The following ITPRID2 variants were observed in gnomAD, a reference collection of about 807,000 sequenced individuals.
ITPRID2 encodes protein ITPRID2.
Under a neutral mutation model 124.3 loss-of-function variants are expected in ITPRID2, and 60 were observed. That is an observed-to-expected ratio of 0.48 (90% confidence interval 0.39 to 0.60). ITPRID2 has a LOEUF of 0.60. Ranked by LOEUF, ITPRID2 falls within the 20% of genes least tolerant of loss-of-function variation. The pLI, the probability that ITPRID2 is intolerant of heterozygous loss-of-function variation, is 0.00. For missense variants in ITPRID2, 1,553 were observed against 1,512.2 expected, an observed-to-expected ratio of 1.03 and a Z score of -0.45; for synonymous variants, 521 against 542.9, an observed-to-expected ratio of 0.96 and a Z score of 0.56.
rs201543593 is a variant in ITPRID2 at position 181,916,033 on chromosome 2, C to T, written c.2393C>T (p.Ser798Leu). ...MEHDGQSLVKSTIFISPSSVK... is the reference protein window; with the variant it reads ...MEHDGQSLVKLTIFISPSSVK... ...CATGATGGTCAGTCTTTAGTTAAAT[C>T]GACCATTTTCATCTCTCCATCATCT... Residue 798 changes from serine (S) to leucine (L), a missense_variant, in exon 11 of 18, where the codon TCG (serine) becomes TTG (leucine). Transcript: ENST00000431877. The T allele has an allele frequency of 1.9e-4, 304 of 1,614,022 alleles. 1 individual carries two copies. The highest frequency in any genetic ancestry group is 2.0e-4 in the African/African-American group (15 of 74,930).
rs780007185 is a variant in ITPRID2 at position 181,916,168 on chromosome 2, C to T, written c.2528C>T (p.Thr843Ile). 1.6e-5 allele frequency: 26 copies of T among 1,614,208 alleles called. No individual in the cohort carries two copies. Among genetic ancestry groups the T allele is most frequent in the Non-Finnish European group, 2.1e-5 (25 of 1,180,034 alleles). Reference sequence around the variant, plus strand: ...GCTCCACCACCAATGTCTCAGTCTACCTGTTCCCTTCATTCCATCCACTCT... The same window carrying T: ...GCTCCACCACCAATGTCTCAGTCTATCTGTTCCCTTCATTCCATCCACTCT... Reference protein sequence around the residue: ...RLAPPPMSQSTCSLHSIHSEW... With the variant: ...RLAPPPMSQSICSLHSIHSEW... Residue 843 changes from threonine (T) to isoleucine (I), a missense_variant, in exon 11 of 18, where the codon ACC becomes ATC. Thr to Ile is a moderately conservative substitution (Grantham distance 89). Transcript: ENST00000431877.
rs746415125 is a variant in ITPRID2 at position 181,902,350 on chromosome 2, A to G, written c.1297A>G (p.Ser433Gly). 1.1e-5 allele frequency: 17 copies of G among 1,613,908 alleles called. No individual in the cohort carries two copies. The highest frequency in any genetic ancestry group is 1.4e-5 in the Non-Finnish European group (16 of 1,179,916). The change falls in exon 8 of 18, where the codon AGT becomes GGT. Residue 433 changes from serine (S) to glycine (G), a missense_variant. By Grantham distance (56) the Ser-to-Gly change is moderately conservative. Transcript: ENST00000431877. This position sits in a 1 kb window ranked among gnomAD's most constrained non-coding sequence, Gnocchi z 4.4. ...ISSHSELENS[S>G]ELKSVHISTP... is the part of the protein sequence containing the mutation. ...CAGCCACAGTGAGCTGGAAAATAGC[A>G]GTGAGCTGAAAAGTGTCCATATATC...
At position 181,915,574 on chromosome 2, in the gene ITPRID2, A is replaced by T; in HGVS notation, c.1934A>T (p.Asp645Val). The T allele has an allele frequency of 6.2e-7, 1 of 1,614,230 alleles. No homozygotes were observed. The highest frequency in any genetic ancestry group is 8.5e-7 in the Non-Finnish European group (1 of 1,180,038). ...ELLREASAES[D>V]VGKSSESEFT... The stretch of plus-strand genomic sequence containing the variant: ...CTGAGGGAAGCAAGTGCTGAAAGTG[A>T]TGTGGGTAAAAGCAGTGAAAGTGAA... The change falls in exon 11 of 18, where the codon GAT becomes GTT. Residue 645 changes from aspartate (D) to valine (V), a missense_variant. Transcript: ENST00000431877.
chr2:181,917,604 A>C (rs1225994850), intron 11 of ITPRID2: 1 of 152,182 alleles, frequency 6.6e-6, no homozygotes, highest in Non-Finnish European at 1.5e-5. Flanking sequence ...CCCAGCAATA[A>C]CTCAGCTAAT....
chr2:181,893,005 G>T, intron 2 of ITPRID2: 1 of 382,678 alleles, frequency 2.6e-6, no homozygotes, highest in South Asian at 4.1e-5. Flanking sequence ...TTTTGCTTTA[G>T]TTTTGGCATC....
At chr2:181,922,921 C>CAA (rs113631537) in intron 16 of ITPRID2, among the ~76,000 whole-genome samples, 1 of 142,016 alleles carries the variant, frequency 7.0e-6, no homozygotes, top group African/African-American at 2.6e-5. Flanking sequence ...GACTCCATCT[C>CAA]AAAAAAAAAA....
chr2:181,894,971 T>C (rs1307660296), intron 2 of ITPRID2, among the ~76,000 whole-genome samples: 1 of 152,116 alleles, frequency 6.6e-6, no homozygotes, highest in African/African-American at 2.4e-5. Context: ...AGACATACAT[T>C]AGAATTTTAT....
In ITPRID2 at chr2:181,892,440, C is replaced by T; in HGVS notation, c.211+163C>T. On this transcript the variant is annotated intron_variant, in intron 1 of 17. Coordinates refer to ENST00000431877, the MANE Select transcript of ITPRID2 (RefSeq NM_001130445.3). This position sits in a 1 kb window ranked among gnomAD's most constrained non-coding sequence, Gnocchi z 5.2. ...AACGCGCGCGCTGAACGAGGCGCCC[C>T]CAGCGTCAACACAGACAACTGGGTG... 3 of 1,119,310 alleles carry T rather than the reference C, an allele frequency of 2.7e-6. No individual in the cohort carries two copies. Among genetic ancestry groups the T allele is most frequent in the Non-Finnish European group, 3.8e-6 (3 of 782,748 alleles). The allele number at this position is 1,119,310 out of a possible 1,614,324, so 69.3% of individuals were successfully genotyped here. A position where few individuals can be genotyped will look rare whatever the true frequency, so the allele number is the denominator to read the frequency against.
At chr2:181,900,657 A>C (rs748927024) in intron 6 of ITPRID2, 39 bp from the exon 7 acceptor site, 2 of 1,416,278 alleles carry the variant, frequency 1.4e-6, no homozygotes, top group Admixed American at 1.9e-5. Context: ...AATTTATTTT[A>C]TATTTTCATG....
intron 17 of ITPRID2, among the ~76,000 whole-genome samples, chr2:181,928,794 T>G (rs1695058405): frequency 6.6e-6 from 1 of 151,934 alleles, no homozygotes; most frequent in Non-Finnish European, 1.5e-5. Flanking sequence ...CCCGGCTAAT[T>G]TTTTGTATTT....
chr2:181,913,911 G>T lies in ITPRID2; in HGVS notation c.1553G>T (p.Cys518Phe), dbSNP rs1479994245. ...SSGFAEDSTD[C>F]LSLNHLQVQE... ...GGTTTTGCTGAAGATTCTACAGACTGCCTATCCCTTAATCATCTTCAGGTA... is the reference window on the plus strand; with the variant it reads ...GGTTTTGCTGAAGATTCTACAGACTTCCTATCCCTTAATCATCTTCAGGTA... The change falls in exon 10 of 18, where the codon TGC becomes TTC. Residue 518 changes from cysteine to phenylalanine, a missense_variant. Transcript: ENST00000431877. The T allele has an allele frequency of 1.2e-6, 2 of 1,612,888 alleles. No homozygotes were observed. Among genetic ancestry groups the T allele is most frequent in the African/African-American group, 2.7e-5 (2 of 74,898 alleles).
chr2:181,900,962 A>G, intron 7 of ITPRID2, 58 bp downstream of exon 7: 2 of 1,343,528 alleles, frequency 1.5e-6, no homozygotes, highest in Middle Eastern at 2.6e-4. Flanking sequence ...CTACAGCAAG[A>G]TGGTCTTATT....
In ITPRID2 at chr2:181,901,884, C is replaced by A. The variant is rs1558985565; in HGVS notation, c.831C>A (p.Asn277Lys). 1 of 1,613,914 alleles carries A rather than the reference C, an allele frequency of 6.2e-7. No homozygotes were observed. ...RIGSMSSVTS[N>K]KETDPPPPLT... ...GAAGTATGTCCTCAGTGACCTCTAA[C>A]AAGGAGACAGACCCACCTCCACCTT... is the stretch of plus-strand genomic sequence containing the variant. The change falls in exon 8 of 18, where the codon AAC becomes AAA. Residue 277 changes from asparagine to lysine, a missense_variant. Coordinates refer to ENST00000431877, the MANE Select transcript of ITPRID2 (RefSeq NM_001130445.3).
Position 181,918,634 on chromosome 2 carries a change from C to T in ITPRID2, c.2824C>T (p.Pro942Ser), listed in dbSNP as rs775655036. Residue 942 changes from proline to serine, a missense_variant, in exon 12 of 18, where the codon CCA (proline) becomes TCA (serine). Transcript: ENST00000431877. ...MMRGPDPAAA[P>S]YSTQKSSVLP... is the part of the protein sequence containing the mutation. ...GAGAGGACCTGATCCTGCTGCTGCT[C>T]CATATAGTACTCAGAAATCATCTGT... The T allele has an allele frequency of 6.2e-7, 1 of 1,614,014 alleles. No individual in the cohort carries two copies. Among genetic ancestry groups the T allele is most frequent in the South Asian group, 1.1e-5 (1 of 91,080 alleles).
rs1263835347 is a variant in ITPRID2 at position 181,900,837 on chromosome 2, T to C, written c.645T>C (p.Asp215=). 1 of 1,613,272 alleles carries C rather than the reference T, an allele frequency of 6.2e-7. No homozygotes were observed. The highest frequency in any genetic ancestry group is 1.3e-5 in the African/African-American group (1 of 75,026). Residue 215 remains aspartate, a synonymous_variant, in exon 7 of 18, where the codon GAT becomes GAC. Coordinates refer to ENST00000431877, the MANE Select transcript of ITPRID2 (RefSeq NM_001130445.3). Reference sequence around the variant, plus strand: ...CATCATCCTTTGCCAAAGGGATAGATATTAAAGTATTTTTGAGTGCTCAGA... The same window carrying C: ...CATCATCCTTTGCCAAAGGGATAGACATTAAAGTATTTTTGAGTGCTCAGA... The part of the protein sequence containing the change: ...FNSSSFAKGI[D]IKVFLSAQMQ...
chr2:181,907,431 C>T lies in ITPRID2; in HGVS notation c.1414-2468C>T, dbSNP rs1170646180. Among the ~76,000 whole-genome samples, 4 of 132,054 alleles carry T rather than the reference C, an allele frequency of 3.0e-5. No homozygotes were observed. The highest frequency in any genetic ancestry group is 3.2e-5 in the Non-Finnish European group (2 of 62,022). 86.6% of individuals were successfully genotyped at this position (132,054 alleles called of 152,430 possible). ...AAACATTGAGACCATGCAATTTTAT[C>T]ACTTTGGTTTAGTGGTTTTTTTTTT... On this transcript the variant is annotated intron_variant, in intron 8 of 17. Coordinates refer to ENST00000431877, the MANE Select transcript of ITPRID2 (RefSeq NM_001130445.3). This position sits in a 1 kb window ranked among gnomAD's most constrained non-coding sequence, Gnocchi z 5.1.
intron 16 of ITPRID2, among the ~76,000 whole-genome samples, chr2:181,924,500 A>G (rs1444909156): frequency 6.6e-6 from 1 of 152,212 alleles, no homozygotes; most frequent in African/African-American, 2.4e-5. Context: ...AATCCCATTA[A>G]CAAAGCCACC....
At position 181,922,047 on chromosome 2, in the gene ITPRID2, T is replaced by C; in HGVS notation, c.3310T>C (p.Ser1104Pro). ...FEIPPGESSESVFSQATSESS... is the reference protein window; with the variant it reads ...FEIPPGESSEPVFSQATSESS... ...AATTCCTCCTGGAGAAAGCTCAGAATCTGTTTTTTCCCAAGCAACATCAGA... is the reference window on the plus strand; with the variant it reads ...AATTCCTCCTGGAGAAAGCTCAGAACCTGTTTTTTCCCAAGCAACATCAGA... The change falls in exon 16 of 18, where the codon TCT becomes CCT. Residue 1104 changes from serine to proline, a missense_variant. By Grantham distance (74) the Ser-to-Pro change is moderately conservative. Transcript: ENST00000431877. 1 of 1,614,212 alleles carries C rather than the reference T, an allele frequency of 6.2e-7. No homozygotes were observed. The highest frequency in any genetic ancestry group is 8.5e-7 in the Non-Finnish European group (1 of 1,180,040).
intron 16 of ITPRID2, among the ~76,000 whole-genome samples, chr2:181,927,603 T>A (rs1176887460): frequency 6.6e-6 from 1 of 152,220 alleles, no homozygotes; most frequent in Non-Finnish European, 1.5e-5. Flanking sequence ...ATGGTTGTTT[T>A]GAGGATGTTT....
Sources: gnomAD v4.1 joint callset for allele counts (sites outside exome capture counted in the v4.1 genomes callset) on GRCh38, gnomAD v4.1.1 for gene constraint, Gnocchi (gnomAD v3.1) non-coding constraint, MANE v1.5 for transcripts, NCBI Gene and HGNC (gene_info 2026-07-23, HGNC 2026-07-21) for gene names.